The following MAX variants were observed in gnomAD, a reference collection of about 807,000 sequenced individuals.
MAX encodes protein max.
MAX carries 3 observed loss-of-function variants against 22.3 expected under a neutral mutation model. That is an observed-to-expected ratio of 0.13 (90% confidence interval 0.06 to 0.35). The LOEUF is 0.35. MAX is among the 10% of genes least tolerant of loss of function. The probability of loss-of-function intolerance (pLI) is 1.00; values close to 1 mark genes in which losing one functional copy is unlikely to be tolerated. For missense variants in MAX, 119 were observed against 209.4 expected, an observed-to-expected ratio of 0.57 and a Z score of 2.66; for synonymous variants, 72 against 77.7, an observed-to-expected ratio of 0.93 and a Z score of 0.39.
At chr14:65,015,410 CTT>C (rs888923691) in intron 3 of MAX, 6,996 of 155,168 alleles carry the variant, frequency 0.045, 11 homozygotes, top group East Asian at 0.11. Context: ...GCCTTGTTAT[CTT>C]TTTTTTTTTT....
chr14:65,033,934 TAAAA>T (rs947856293), intron 3 of MAX, among the ~76,000 whole-genome samples: 1 of 152,216 alleles, frequency 6.6e-6, no homozygotes, highest in African/African-American at 2.4e-5. Context: ...CTGTTTTAGT[TAAAA>T]AAATTTTATT....
At chr14:65,048,822 G>A (rs904136817) in intron 3 of MAX, among the ~76,000 whole-genome samples, 3 of 151,974 alleles carry the variant, frequency 2.0e-5, no homozygotes, top group African/African-American at 4.8e-5. Context: ...TGCAACTCCA[G>A]CCTGAGCGAC....
upstream of MAX, chr14:65,102,640 C>T (rs1218913456): frequency 5.2e-6 from 6 of 1,148,022 alleles, no homozygotes; most frequent in Non-Finnish European, 5.4e-6. Context: ...CGGGTAGCTC[C>T]AGAAAAACTA....
intron 3 of MAX, among the ~76,000 whole-genome samples, chr14:65,089,674 T>C (rs1347420063): frequency 1.4e-5 from 2 of 146,966 alleles, no homozygotes; most frequent in African/African-American, 5.1e-5. Flanking sequence ...GTGAGCTTAG[T>C]GCCAGTGAAC....
intron 3 of MAX, among the ~76,000 whole-genome samples, chr14:65,063,171 T>C (rs182736848): frequency 1.8e-4 from 28 of 152,320 alleles, no homozygotes; most frequent in African/African-American, 5.8e-4. Flanking sequence ...CCCAAATCCA[T>C]GTAAATAAGC....
intron 3 of MAX, chr14:65,015,623 A>G (rs747927405): frequency 6.2e-7 from 1 of 1,613,940 alleles, no homozygotes; most frequent in East Asian, 2.2e-5. Context: ...TCTCTCTCCC[A>G]GTGTCTGGAT....
Position 65,029,760 on chromosome 14 carries a change from G to A in MAX, c.172-23476C>T, listed in dbSNP as rs1372890945. On this transcript the variant is annotated intron_variant, in intron 3 of 3. Transcript: ENST00000341653. This position sits in a 1 kb window ranked among gnomAD's most constrained non-coding sequence, Gnocchi z 4.7. The stretch of plus-strand genomic sequence containing the variant: ...AGCTGGAGGGACAGGCTGGGAACAG[G>A]CTACAGAGGCCCTGAAATCTCCTAT... Among the ~76,000 whole-genome samples, 2 of 152,196 alleles carry A rather than the reference G, an allele frequency of 1.3e-5. No individual in the cohort carries two copies. Among genetic ancestry groups the A allele is most frequent in the Non-Finnish European group, 2.9e-5 (2 of 68,034 alleles).
Position 65,077,250 on chromosome 14 carries a change from C to G in MAX, c.296-587G>C. 1.0e-6 allele frequency: 1 copy of G among 965,606 alleles called. No homozygotes were observed. 59.8% of individuals were successfully genotyped at this position (965,606 alleles called of 1,614,324 possible). On this transcript the variant is annotated intron_variant, in intron 4 of 4. Coordinates refer to ENST00000358664, the MANE Select transcript of MAX (RefSeq NM_002382.5). This position sits in a 1 kb window ranked among gnomAD's most constrained non-coding sequence, Gnocchi z 6.3. ...CACTGACACCACCCACTGCCCATCC[C>G]TTGGTTCAGCTCAGCTTGAGCCTGG...
At chr14:65,066,035 TGA>T (rs946016059) in intron 3 of MAX, among the ~76,000 whole-genome samples, 3 of 152,164 alleles carry the variant, frequency 2.0e-5, no homozygotes, top group African/African-American at 7.2e-5. Flanking sequence ...TGAAGGAAGG[TGA>T]GAGGTCTCGG....
intron 3 of MAX, among the ~76,000 whole-genome samples, chr14:65,019,048 C>G (rs1180118552): frequency 6.6e-6 from 1 of 152,130 alleles, no homozygotes; most frequent in South Asian, 2.1e-4. Context: ...TCTGTTACTG[C>G]ACTCCCGGCT....
At chr14:65,026,732 C>A (rs2061988877) in intron 3 of MAX, among the ~76,000 whole-genome samples, 1 of 152,000 alleles carries the variant, frequency 6.6e-6, no homozygotes, top group Non-Finnish European at 1.5e-5. Context: ...CGTGATGGTG[C>A]ACGCCTGTAA....
rs563468928 is a variant in MAX, at chr14:65,031,979, C to CGTGTGTGTGTGTGTGTGTGTGT, written c.172-25717_172-25696dup. Reference sequence around the variant, plus strand: ...ATAGACGTGCGCCTTTTTCATTTAACGTGTGTGTGTGTGTGTGTGTGTGTG... The same window carrying CGTGTGTGTGTGTGTGTGTGTGT: ...ATAGACGTGCGCCTTTTTCATTTAACGTGTGTGTGTGTGTGTGTGTGTGTGTGTGTGTGTGTGTGTGTGTGTG... On this transcript the variant is annotated intron_variant, in intron 3 of 3. Coordinates refer to the MAX transcript ENST00000341653. This position sits in a 1 kb window ranked among gnomAD's most constrained non-coding sequence, Gnocchi z 4.6. 8.1e-4 allele frequency among the ~76,000 whole-genome samples: 114 copies of CGTGTGTGTGTGTGTGTGTGTGT among 141,286 alleles called. 1 individual carries two copies. The highest frequency in any genetic ancestry group is 2.9e-3 in the African/African-American group (110 of 37,888). 92.7% of individuals were successfully genotyped at this position (141,286 alleles called of 152,430 possible).
chr14:65,057,080 G>A (rs1204608301), intron 3 of MAX, among the ~76,000 whole-genome samples: 1 of 152,142 alleles, frequency 6.6e-6, no homozygotes, highest in Non-Finnish European at 1.5e-5. Flanking sequence ...AAGAGTGAGA[G>A]CTCACGCACT....
At chr14:65,072,499 C>T (rs1434606801), downstream of MAX, among the ~76,000 whole-genome samples, 1 of 152,222 alleles carries the variant, frequency 6.6e-6, no homozygotes, top group Non-Finnish European at 1.5e-5. Context: ...TGCCTAACTT[C>T]CCCAACAGCG....
chr14:65,083,196 C>T (rs1478946750), intron 3 of MAX, among the ~76,000 whole-genome samples: 1 of 152,148 alleles, frequency 6.6e-6, no homozygotes, highest in African/African-American at 2.4e-5. Context: ...AGCAGAGGCA[C>T]CCACTGTCAG....
At chr14:65,073,169 G>C (rs1320756508), downstream of MAX, among the ~76,000 whole-genome samples, 1 of 152,190 alleles carries the variant, frequency 6.6e-6, no homozygotes, top group Non-Finnish European at 1.5e-5. Flanking sequence ...TCATTTTATA[G>C]ATAAAGATGC....
At chr14:65,055,882 T>G (rs1018366146) in intron 3 of MAX, among the ~76,000 whole-genome samples, 2 of 152,198 alleles carry the variant, frequency 1.3e-5, no homozygotes, top group African/African-American at 4.8e-5. Flanking sequence ...CAATAGATAG[T>G]TGAAAAGATG....
At chr14:65,101,418 A>T in intron 2 of MAX, 128 bp downstream of exon 2, 1 of 845,378 alleles carries the variant, frequency 1.2e-6, no homozygotes, top group Non-Finnish European at 1.9e-6. Flanking sequence ...GCCCCACCTC[A>T]CCTTAGTGGT....
At chr14:65,041,122 A>G (rs991650224) in intron 3 of MAX, among the ~76,000 whole-genome samples, 2 of 152,128 alleles carry the variant, frequency 1.3e-5, no homozygotes, top group African/African-American at 2.4e-5. Flanking sequence ...AGCTTTTTAC[A>G]TAGTGTGTAG....
Sources: allele counts gnomAD v4.1 joint callset (sites outside exome capture counted in the v4.1 genomes callset), GRCh38; gene constraint gnomAD v4.1.1; non-coding constraint Gnocchi (gnomAD v3.1); transcripts MANE v1.5; gene names NCBI Gene and HGNC (gene_info 2026-07-23, HGNC 2026-07-21).